Variants in XPOT observed in about 807,000 individuals in gnomAD.
The protein encoded by XPOT is exportin for tRNA.
A neutral mutation model predicts 128.2 loss-of-function variants in XPOT; 34 were observed. The ratio of observed to expected loss-of-function variants is 0.27; its 90% CI spans 0.20 to 0.35. XPOT has a LOEUF of 0.35. Among genes scored for constraint, XPOT ranks in the 10% least tolerant of loss-of-function variants. The pLI, the probability that XPOT is intolerant of heterozygous loss-of-function variation, is 1.00. For synonymous variants in XPOT, 348 were observed against 394.3 expected (o/e 0.88, Z 1.39); for missense variants, 838 against 1,125.3 (o/e 0.74, Z 3.65).
chr12:64,412,900 A>G (rs2040053650), intron 2 of XPOT, among the ~76,000 whole-genome samples: 1 of 152,184 alleles, frequency 6.6e-6, no homozygotes, highest in African/African-American at 2.4e-5. Flanking sequence ...CATGGAAGCG[A>G]TGCATAGGGC....
At chr12:64,437,163 A>G (rs745568628) in intron 22 of XPOT, among the ~76,000 whole-genome samples, 23 of 152,312 alleles carry the variant, frequency 1.5e-4, no homozygotes, top group Non-Finnish European at 2.6e-4. Flanking sequence ...CATTTCTTCT[A>G]TACTTGCTAC....
At chr12:64,442,079 T>G (rs973283989) in intron 23 of XPOT, among the ~76,000 whole-genome samples, 8 of 150,828 alleles carry the variant, frequency 5.3e-5, no homozygotes, top group South Asian at 2.1e-4. Flanking sequence ...ATGTGTAAAG[T>G]GGGGGGGGGA....
chr12:64,416,255 A>G (rs1403183688), intron 3 of XPOT, among the ~76,000 whole-genome samples: 1 of 152,364 alleles, frequency 6.6e-6, no homozygotes, highest in Non-Finnish European at 1.5e-5. Flanking sequence ...TTTGGCTACA[A>G]TAGAACTACT....
chr12:64,408,007 C>G (rs1035734326), intron 1 of XPOT, among the ~76,000 whole-genome samples: 1 of 152,150 alleles, frequency 6.6e-6, no homozygotes, highest in East Asian at 1.9e-4. Flanking sequence ...AGGCCTTTCT[C>G]CCCTACCCCT....
intron 1 of XPOT, 161 bp downstream of exon 1, chr12:64,404,965 G>C (rs2039964819): frequency 6.6e-6 from 1 of 152,302 alleles, no homozygotes. Flanking sequence ...TGGGCGGACC[G>C]GGTGGGGGTG....
At chr12:64,440,629 CTTTCA>C (rs2136037287) in intron 23 of XPOT, among the ~76,000 whole-genome samples, 1 of 152,244 alleles carries the variant, frequency 6.6e-6, no homozygotes, top group South Asian at 2.1e-4. Context: ...CACTTGCTGT[CTTTCA>C]TTTTTTTGTA....
chr12:64,419,138 G>A (rs758683888), intron 6 of XPOT, 44 bp downstream of exon 6: 3 of 1,534,858 alleles, frequency 2.0e-6, no homozygotes, highest in African/African-American at 2.7e-5. Flanking sequence ...TGTAAGTTTT[G>A]TAGGTGATAA....
chr12:64,429,216 GAA>G (rs1347917144), intron 16 of XPOT, among the ~76,000 whole-genome samples: 2 of 152,146 alleles, frequency 1.3e-5, no homozygotes, highest in East Asian at 1.9e-4. Context: ...GGCCGCAGAA[GAA>G]AAGTCTGTCC....
intron 12 of XPOT, 51 bp downstream of exon 12, chr12:64,424,774 T>C: frequency 6.2e-7 from 1 of 1,600,144 alleles, no homozygotes. Context: ...TTTTGCTCTT[T>C]GATATGGGTC....
rs1251293476 is a variant in XPOT at position 64,435,682 on chromosome 12, T to A, written c.2733+8T>A. ...ACAATTCATCTCAAACGGGTAAGCC[T>A]TTTAGTCCATGCCCCTTCATTTTCA... is the stretch of plus-strand genomic sequence containing the variant. On this transcript the variant is annotated splice_region_variant and intron_variant, in intron 22 of 24. Transcript: ENST00000332707. 1 of 1,600,220 alleles carries A rather than the reference T, an allele frequency of 6.2e-7. No homozygotes were observed.
intron 23 of XPOT, among the ~76,000 whole-genome samples, chr12:64,444,404 C>T (rs2040351848): frequency 6.6e-6 from 1 of 152,138 alleles, no homozygotes; most frequent in Non-Finnish European, 1.5e-5. Context: ...TTTGAAGCAA[C>T]CTTAAATTCC....
At chr12:64,443,845 T>G (rs2040346637) in intron 23 of XPOT, among the ~76,000 whole-genome samples, 1 of 152,256 alleles carries the variant, frequency 6.6e-6, no homozygotes, top group Admixed American at 6.5e-5. Flanking sequence ...AACTCATTTT[T>G]AATGAATTTG....
At chr12:64,429,885 GTTTTC>G (rs1160012871) in intron 16 of XPOT, among the ~76,000 whole-genome samples, 159 bp from the exon 17 acceptor site, 2 of 152,124 alleles carry the variant, frequency 1.3e-5, no homozygotes, top group Admixed American at 6.5e-5. Flanking sequence ...CTCTAATTTA[GTTTTC>G]TTTTCATTCT....
intron 18 of XPOT, among the ~76,000 whole-genome samples, chr12:64,432,924 T>C (rs889956432): frequency 6.6e-6 from 1 of 152,132 alleles, no homozygotes; most frequent in Non-Finnish European, 1.5e-5. Flanking sequence ...CTTGAGTCTT[T>C]TAGTAATATT....
rs373053848 is a variant in XPOT, at chr12:64,420,151, T to C, written c.571T>C (p.Leu191=). 163 of 1,612,540 alleles carry C rather than the reference T, an allele frequency of 1.0e-4. No individual in the cohort carries two copies. Among genetic ancestry groups the C allele is most frequent in the Middle Eastern group, 6.6e-4 (4 of 6,048 alleles). Reference sequence around the variant, plus strand: ...TCTGGTGGAATCATGGTACCAAATATTACAAAATTATCAGTTTACTAATTC... The same window carrying C: ...TCTGGTGGAATCATGGTACCAAATACTACAAAATTATCAGTTTACTAATTC... ...PNLVESWYQI[L]QNYQFTNSEV... is the part of the protein sequence containing the mutation. The change falls in exon 7 of 25, where the codon TTA becomes CTA. Residue 191 remains leucine (L), a synonymous_variant. Coordinates refer to ENST00000332707, the MANE Select transcript of XPOT (RefSeq NM_007235.6).
At chr12:64,444,214 C>T (rs914557109) in intron 23 of XPOT, among the ~76,000 whole-genome samples, 7 of 152,056 alleles carry the variant, frequency 4.6e-5, no homozygotes, top group Non-Finnish European at 1.0e-4. Context: ...TGTGAGCAGC[C>T]GTAGCAATGT....
intron 8 of XPOT, 98 bp from the exon 9 acceptor site, chr12:64,421,137 G>A (rs1396137766): frequency 1.1e-6 from 1 of 899,486 alleles, no homozygotes; most frequent in Admixed American, 2.1e-5. Flanking sequence ...TTTTAAAATT[G>A]AATCCTGTAA....
chr12:64,404,562 T>TTGCTTGCC lies in XPOT; in HGVS notation c.-313_-306dup, dbSNP rs966233571. On this transcript the variant is annotated 5_prime_UTR_variant, in exon 1 of 25. Transcript: ENST00000332707. The stretch of plus-strand genomic sequence containing the variant: ...CGACCCCGCCCGCTTGCTTGCTTGC[T>TTGCTTGCC]TGCTTGCCTGCCTGCCTGCCTGCCC... 3 of 154,148 alleles carry TTGCTTGCC rather than the reference T, an allele frequency of 1.9e-5. No homozygotes were observed. The highest frequency in any genetic ancestry group is 3.5e-4 in the South Asian group (2 of 5,796). The allele number at this position is 154,148 out of a possible 1,614,324, so 9.5% of individuals were successfully genotyped here. A position where few individuals can be genotyped will look rare whatever the true frequency, so the allele number is the denominator to read the frequency against.
intron 14 of XPOT, 60 bp from the exon 15 acceptor site, chr12:64,425,755 G>A: frequency 1.3e-6 from 2 of 1,520,798 alleles, no homozygotes; most frequent in Non-Finnish European, 1.8e-6. Flanking sequence ...AATGTAGCAG[G>A]ACAATATCAA....
Sources: gnomAD v4.1 joint callset for allele counts (sites outside exome capture counted in the v4.1 genomes callset) on GRCh38, gnomAD v4.1.1 for gene constraint, MANE v1.5 for transcripts, NCBI Gene and HGNC (gene_info 2026-07-23, HGNC 2026-07-21) for gene names.